Variants in TRAPPC8 observed in about 807,000 individuals in gnomAD.
The protein encoded by TRAPPC8 is general sporulation gene 1 homolog.
In TRAPPC8, 54 loss-of-function variants were observed where a neutral mutation model predicts 174.3. The observed-to-expected ratio is 0.31, with a 90% CI of 0.25 to 0.39. TRAPPC8 has a LOEUF of 0.39. Among genes scored for constraint, TRAPPC8 ranks in the 10% least tolerant of loss-of-function variants. The probability of loss-of-function intolerance (pLI) is 1.00; values close to 1 mark genes in which losing one functional copy is unlikely to be tolerated. For missense variants in TRAPPC8, 1,531 were observed against 1,699.1 expected, an observed-to-expected ratio of 0.90 and a Z score of 1.74; for synonymous variants, 630 against 579.9, an observed-to-expected ratio of 1.09 and a Z score of -1.24.
At chr18:31,833,153 C>A (rs1476001990) in intron 27 of TRAPPC8, 1 of 152,206 alleles carries the variant, frequency 6.6e-6, no homozygotes, top group Non-Finnish European at 1.5e-5. Context: ...GGTAGGTGTC[C>A]AGTCAGTCTG....
At chr18:31,923,272 A>C in intron 2 of TRAPPC8, among the ~76,000 whole-genome samples, 1 of 152,218 alleles carries the variant, frequency 6.6e-6, no homozygotes, top group East Asian at 1.9e-4. Context: ...GAAAAATACA[A>C]AACAGTACCT....
intron 16 of TRAPPC8, 111 bp from the exon 17 acceptor site, chr18:31,867,587 ACTTGG>A: frequency 2.9e-6 from 2 of 686,576 alleles, no homozygotes; most frequent in Non-Finnish European, 4.6e-6. Context: ...GTCTGCATTT[ACTTGG>A]TTTTTACCAC....
Position 31,940,372 on chromosome 18 carries a change from G to A in TRAPPC8, c.157+2236C>T, listed in dbSNP as rs540118574. Among the ~76,000 whole-genome samples the A allele has an allele frequency of 4.6e-5, 7 of 152,008 alleles. No individual in the cohort carries two copies. In the South Asian group the frequency reaches 1.2e-3, roughly 27 times the overall value. Reference sequence around the variant, plus strand: ...CCCAGCTACTCGGGAGGCTGAGGCTGGAAAATCGCTTGAACCTGGGAGGCA... The same window carrying A: ...CCCAGCTACTCGGGAGGCTGAGGCTAGAAAATCGCTTGAACCTGGGAGGCA... On this transcript the variant is annotated intron_variant, in intron 1 of 28. Transcript: ENST00000283351.
chr18:31,836,758 CTTTTTTT>C lies in TRAPPC8; in HGVS notation c.3983+2547_3983+2553del, dbSNP rs68104803. Among the ~76,000 whole-genome samples the C allele has an allele frequency of 6.5e-3, 583 of 89,854 alleles. 6 individuals carry two copies. Among genetic ancestry groups the C allele is most frequent in the South Asian group, 0.055 (126 of 2,288 alleles). 58.9% of individuals were successfully genotyped at this position (89,854 alleles called of 152,430 possible). On this transcript the variant is annotated intron_variant, in intron 27 of 28. Transcript: ENST00000283351. Reference sequence around the variant, plus strand: ...AGGACTGAATGAAGCATCTTTCAGTCTTTTTTTTTTTTTTTTTTTTTGAGACAGAGTC... The same window carrying C: ...AGGACTGAATGAAGCATCTTTCAGTCTTTTTTTTTTTTTTGAGACAGAGTC...
chr18:31,855,955 A>C, intron 20 of TRAPPC8, 148 bp from the exon 21 acceptor site: 1 of 883,230 alleles, frequency 1.1e-6, no homozygotes, highest in Non-Finnish European at 1.6e-6. Context: ...GTAAAATTAC[A>C]TAGTTAGCCT....
At chr18:31,900,241 A>G (rs1017773449) in intron 10 of TRAPPC8, among the ~76,000 whole-genome samples, 6 of 152,160 alleles carry the variant, frequency 3.9e-5, no homozygotes, top group Non-Finnish European at 8.8e-5. Context: ...CTCAAAAAAA[A>G]CCAGAAACAA....
chr18:31,913,182 T>G (rs536504482), intron 5 of TRAPPC8, among the ~76,000 whole-genome samples, 187 bp downstream of exon 5: 1 of 150,600 alleles, frequency 6.6e-6, no homozygotes, highest in East Asian at 2.0e-4. Context: ...CTGAAAAGAG[T>G]GCACATAAGG....
intron 24 of TRAPPC8, among the ~76,000 whole-genome samples, chr18:31,851,604 G>A (rs1288912700): frequency 6.6e-6 from 1 of 151,210 alleles, no homozygotes; most frequent in East Asian, 1.9e-4. Flanking sequence ...CAATCCTCCT[G>A]CCTCAGCCTC....
intron 12 of TRAPPC8, among the ~76,000 whole-genome samples, chr18:31,882,773 C>T (rs1432184237): frequency 6.6e-6 from 1 of 151,542 alleles, no homozygotes; most frequent in East Asian, 2.0e-4. Flanking sequence ...CATGCTATCA[C>T]GCCTGGCTAA....
intron 16 of TRAPPC8, among the ~76,000 whole-genome samples, chr18:31,867,710 G>A (rs1001522312): frequency 3.3e-5 from 5 of 151,964 alleles, no homozygotes; most frequent in Admixed American, 1.3e-4. Flanking sequence ...CAATTCAACT[G>A]AGAAGGATAA....
intron 2 of TRAPPC8, among the ~76,000 whole-genome samples, chr18:31,928,879 C>T (rs1272222402): frequency 6.6e-6 from 1 of 151,984 alleles, no homozygotes; most frequent in Non-Finnish European, 1.5e-5. Context: ...TACGAGAGGC[C>T]TTAAGAAAGA....
chr18:31,870,612 C>G, intron 15 of TRAPPC8, 110 bp from the exon 16 acceptor site: 1 of 1,220,492 alleles, frequency 8.2e-7, no homozygotes, highest in Non-Finnish European at 1.2e-6. Context: ...TCTGCCTAGA[C>G]TGTCCTTTAT....
intron 14 of TRAPPC8, among the ~76,000 whole-genome samples, chr18:31,873,123 T>C (rs1018080492): frequency 2.0e-4 from 29 of 146,726 alleles, no homozygotes; most frequent in African/African-American, 7.2e-4. Context: ...GTTCACGCCA[T>C]TCTCCTACCT....
rs35944569 is a variant in TRAPPC8, at chr18:31,863,051, C to CAA, written c.2745+1574_2745+1575dup. ...TGGGTGACAGAGCAAGACTAGGTCT[C>CAA]AAAAAAAAAAAAAAAAAAGAGTATA... is the stretch of plus-strand genomic sequence containing the variant. On this transcript the variant is annotated intron_variant, in intron 19 of 28. Coordinates refer to ENST00000283351, the MANE Select transcript of TRAPPC8 (RefSeq NM_014939.5). 6.4e-3 allele frequency among the ~76,000 whole-genome samples: 725 copies of CAA among 113,650 alleles called. 4 individuals carry two copies. Among genetic ancestry groups the CAA allele is most frequent in the African/African-American group, 0.016 (464 of 29,494 alleles). The allele number at this position is 113,650 out of a possible 152,430, so 74.6% of individuals were successfully genotyped here.
chr18:31,860,047 T>C (rs1219919857), intron 19 of TRAPPC8, among the ~76,000 whole-genome samples: 1 of 151,918 alleles, frequency 6.6e-6, no homozygotes, highest in Non-Finnish European at 1.5e-5. Context: ...ATATTTAGCC[T>C]TTACCTCAAA....
Position 31,852,493 on chromosome 18 carries a change from A to G in TRAPPC8, c.3514T>C (p.Ser1172Pro). The change falls in exon 24 of 29, where the codon TCC (serine) becomes CCC (proline). Residue 1172 changes from serine (S) to proline (P), a missense_variant. Coordinates refer to ENST00000283351, the MANE Select transcript of TRAPPC8 (RefSeq NM_014939.5). Reference protein sequence around the residue: ...RCEKEEAATQSSEKYTFADII... With the variant: ...RCEKEEAATQPSEKYTFADII... ...TCTGCAAAGGTATATTTTTCAGAGG[A>G]CTGTGTGGCCGCTAAAAAACAGGGG... 1.9e-6 allele frequency: 3 copies of G among 1,614,198 alleles called. No homozygotes were observed. The highest frequency in any genetic ancestry group is 2.5e-6 in the Non-Finnish European group (3 of 1,180,026).
At chr18:31,864,589 GATAA>G (rs1371058749) in intron 19 of TRAPPC8, 34 bp downstream of exon 19, 1 of 1,591,086 alleles carries the variant, frequency 6.3e-7, no homozygotes, top group Non-Finnish European at 8.6e-7. Flanking sequence ...TGCTCATATA[GATAA>G]ATTAAGTCCA....
At chr18:31,869,817 G>C (rs545460927) in intron 16 of TRAPPC8, among the ~76,000 whole-genome samples, 10 of 152,168 alleles carry the variant, frequency 6.6e-5, no homozygotes, top group Non-Finnish European at 1.3e-4. Flanking sequence ...GGCCGGGCGC[G>C]GTGGCTCATG....
In TRAPPC8 at chr18:31,936,548, G is replaced by T. The variant is rs78212227; in HGVS notation, c.158-5025C>A. Among the ~76,000 whole-genome samples, 47 of 152,246 alleles carry T rather than the reference G, an allele frequency of 3.1e-4. 1 individual carries two copies. In the East Asian group the frequency reaches 8.7e-3, roughly 28 times the overall value. On this transcript the variant is annotated intron_variant, in intron 1 of 28. Coordinates refer to ENST00000283351, the MANE Select transcript of TRAPPC8 (RefSeq NM_014939.5). Reference sequence around the variant, plus strand: ...GAGTTTGGTACTTCCACACCTTGGAGATTAATTACTTCATTATATAAACAT... The same window carrying T: ...GAGTTTGGTACTTCCACACCTTGGATATTAATTACTTCATTATATAAACAT...
Sources: allele counts gnomAD v4.1 joint callset (sites outside exome capture counted in the v4.1 genomes callset), GRCh38; gene constraint gnomAD v4.1.1; transcripts MANE v1.5; gene names NCBI Gene and HGNC (gene_info 2026-07-23, HGNC 2026-07-21).